Variants in GALNT18 observed in about 807,000 individuals in gnomAD.
The protein encoded by GALNT18 is GalNAc-transferase 18.
GALNT18 carries 44 observed loss-of-function variants against 69.5 expected under a neutral mutation model. The observed-to-expected ratio is 0.63, with a 90% CI of 0.50 to 0.81. GALNT18 has a LOEUF of 0.81. Ranked by LOEUF, GALNT18 falls within the 40% of genes least tolerant of loss-of-function variation. The pLI is 0.00. For missense variants in GALNT18, 715 were observed against 810.0 expected, an observed-to-expected ratio of 0.88 and a Z score of 1.42; for synonymous variants, 364 against 318.2, an observed-to-expected ratio of 1.14 and a Z score of -1.53.
intron 3 of GALNT18, 63 bp from the exon 4 acceptor site, chr11:11,379,327 C>CAACA: frequency 6.8e-7 from 1 of 1,478,782 alleles, no homozygotes; most frequent in Non-Finnish European, 9.3e-7. Flanking sequence ...GGGGCAATCA[C>CAACA]AACAGTCACT....
intron 2 of GALNT18, among the ~76,000 whole-genome samples, chr11:11,438,837 CA>C (rs1404296670): frequency 6.6e-6 from 1 of 152,100 alleles, no homozygotes; most frequent in African/African-American, 2.4e-5. Flanking sequence ...CAAATACGAT[CA>C]ACACTACTGA....
intron 3 of GALNT18, among the ~76,000 whole-genome samples, chr11:11,401,044 C>T (rs1245445120): frequency 6.6e-6 from 1 of 152,094 alleles, no homozygotes; most frequent in East Asian, 1.9e-4. Context: ...CACAGGAGGG[C>T]AGTAGTGAGA....
At chr11:11,365,703 T>C (rs887406039) in intron 6 of GALNT18, among the ~76,000 whole-genome samples, 1 of 152,226 alleles carries the variant, frequency 6.6e-6, no homozygotes, top group East Asian at 1.9e-4. Flanking sequence ...TGAGATGGTA[T>C]CTCATTGTGG....
chr11:11,462,446 TTTTA>T (rs1347936140), intron 1 of GALNT18, among the ~76,000 whole-genome samples: 1 of 151,392 alleles, frequency 6.6e-6, no homozygotes, highest in Non-Finnish European at 1.5e-5. Flanking sequence ...CCGGCTAATT[TTTTA>T]TTTATTTATT....
intron 2 of GALNT18, among the ~76,000 whole-genome samples, chr11:11,438,952 A>G (rs1271008054): frequency 6.6e-6 from 1 of 152,100 alleles, no homozygotes; most frequent in Non-Finnish European, 1.5e-5. Flanking sequence ...GTTGTGTGGC[A>G]TCTCCATTTG....
intron 1 of GALNT18, among the ~76,000 whole-genome samples, chr11:11,510,018 C>T (rs1212400588): frequency 6.6e-6 from 1 of 152,204 alleles, no homozygotes; most frequent in Non-Finnish European, 1.5e-5. Context: ...TCCCTGGTTA[C>T]AGCATCAGAA....
rs147495125 is a variant in GALNT18, at chr11:11,613,904, G to C, written c.235+7455C>G. 1.6e-3 allele frequency among the ~76,000 whole-genome samples: 248 copies of C among 152,274 alleles called. 1 individual carries two copies. The highest frequency in any genetic ancestry group is 5.7e-3 in the African/African-American group (238 of 41,556). On this transcript the variant is annotated intron_variant, in intron 1 of 10. Transcript: ENST00000227756. The surrounding 1 kb of genome is among the most constrained non-coding windows in gnomAD (Gnocchi z 4.2). The stretch of plus-strand genomic sequence containing the variant: ...ATCTCTCCCCAAAGCCCACCATGCT[G>C]CCTTCTGGTTACATTTATCACTCAC...
chr11:11,585,513 G>A (rs546900556), intron 1 of GALNT18, among the ~76,000 whole-genome samples: 2 of 151,978 alleles, frequency 1.3e-5, no homozygotes, highest in Admixed American at 6.6e-5. Context: ...GCGCCACCAC[G>A]CCTGGCTAAT....
chr11:11,451,629 C>G (rs1413866920), intron 1 of GALNT18, among the ~76,000 whole-genome samples: 1 of 152,178 alleles, frequency 6.6e-6, no homozygotes, highest in Non-Finnish European at 1.5e-5. Context: ...TCGAATGTTG[C>G]CTCTCTTCCT....
chr11:11,336,004 T>C (rs897944769), intron 7 of GALNT18, among the ~76,000 whole-genome samples: 5 of 152,090 alleles, frequency 3.3e-5, no homozygotes, highest in Non-Finnish European at 5.9e-5. Flanking sequence ...AGGAAACAAA[T>C]ATATTAACTT....
At chr11:11,559,376 C>T (rs1483867589) in intron 1 of GALNT18, among the ~76,000 whole-genome samples, 1 of 152,176 alleles carries the variant, frequency 6.6e-6, no homozygotes, top group Non-Finnish European at 1.5e-5. Flanking sequence ...CCATCACACC[C>T]CAACTGTCTG....
chr11:11,585,092 C>T (rs1859180609), intron 1 of GALNT18, among the ~76,000 whole-genome samples: 1 of 152,192 alleles, frequency 6.6e-6, no homozygotes, highest in African/African-American at 2.4e-5. Context: ...ACTCTGTGAG[C>T]TTATCCTTTC....
In GALNT18 at chr11:11,617,114, A is replaced by G. The variant is rs892207798; in HGVS notation, c.235+4245T>C. ...TGCAAGGAAGATGAACAGGACGCCA[A>G]TTGGCAGATGCATCCCAAAGACAGA... On this transcript the variant is annotated intron_variant, in intron 1 of 10. Coordinates refer to ENST00000227756, the MANE Select transcript of GALNT18 (RefSeq NM_198516.3). This position sits in a 1 kb window ranked among gnomAD's most constrained non-coding sequence, Gnocchi z 4.7. Among the ~76,000 whole-genome samples the G allele has an allele frequency of 2.0e-5, 3 of 152,248 alleles. No homozygotes were observed. Among genetic ancestry groups the G allele is most frequent in the Non-Finnish European group, 2.9e-5 (2 of 68,038 alleles).
chr11:11,323,129 G>T (rs543617607), intron 9 of GALNT18, among the ~76,000 whole-genome samples: 2 of 152,298 alleles, frequency 1.3e-5, no homozygotes, highest in Non-Finnish European at 2.9e-5. Context: ...TTCCTCAAAT[G>T]CATGTTTTTA....
intron 10 of GALNT18, among the ~76,000 whole-genome samples, chr11:11,290,626 T>G (rs758194031): frequency 3.3e-5 from 5 of 152,138 alleles, no homozygotes; most frequent in Non-Finnish European, 5.9e-5. Context: ...TGCCCTTCAC[T>G]CCTTCCAAAG....
intron 1 of GALNT18, among the ~76,000 whole-genome samples, chr11:11,561,588 A>G (rs1198034612): frequency 1.3e-5 from 2 of 152,194 alleles, no homozygotes; most frequent in African/African-American, 4.8e-5. Flanking sequence ...ATGTCAAGGA[A>G]AGGCTCGTTG....
intron 6 of GALNT18, among the ~76,000 whole-genome samples, chr11:11,363,132 A>G (rs1415343460): frequency 6.6e-6 from 1 of 152,226 alleles, no homozygotes; most frequent in Non-Finnish European, 1.5e-5. Context: ...AGTATTAAGT[A>G]AAACAAACAA....
intron 10 of GALNT18, among the ~76,000 whole-genome samples, chr11:11,279,575 A>G (rs945822678): frequency 1.4e-5 from 2 of 140,932 alleles, no homozygotes; most frequent in Admixed American, 1.5e-4. Context: ...AAACCTATAT[A>G]GCAACAAAAA....
chr11:11,539,987 A>G (rs911258091), intron 1 of GALNT18, among the ~76,000 whole-genome samples: 1 of 152,170 alleles, frequency 6.6e-6, no homozygotes. Context: ...TCCAGTACCA[A>G]TGGGAAATGA....
Sources: gnomAD v4.1 joint callset for allele counts (sites outside exome capture counted in the v4.1 genomes callset) on GRCh38, gnomAD v4.1.1 for gene constraint, Gnocchi (gnomAD v3.1) non-coding constraint, MANE v1.5 for transcripts, NCBI Gene and HGNC (gene_info 2026-07-23, HGNC 2026-07-21) for gene names.